The following PNPLA2 variants were observed in gnomAD, a reference collection of about 807,000 sequenced individuals.
PNPLA2 encodes the protein patatin-like phospholipase domain-containing protein 2.
Under a neutral mutation model 39.7 loss-of-function variants are expected in PNPLA2, and 28 were observed. The ratio of observed to expected loss-of-function variants is 0.70; its 90% confidence interval spans 0.52 to 0.97. The LOEUF (loss-of-function observed/expected upper bound fraction) is 0.97, where lower values mean the gene tolerates loss of function less well. Among genes scored for constraint, PNPLA2 ranks in the 50% least tolerant of loss-of-function variants. The pLI is 0.00. For missense variants in PNPLA2, 768 were observed against 698.2 expected (o/e 1.10, Z -1.13); for synonymous variants, 392 against 321.1 (o/e 1.22, Z -2.36).
chr11:821,949 G>A lies in PNPLA2; in HGVS notation c.421-9G>A. 1 of 1,613,918 alleles carries A rather than the reference G, an allele frequency of 6.2e-7. No individual in the cohort carries two copies. Among genetic ancestry groups the A allele is most frequent in the Non-Finnish European group, 8.5e-7 (1 of 1,179,952 alleles). On this transcript the variant is annotated splice_polypyrimidine_tract_variant and intron_variant, in intron 3 of 9. Transcript: ENST00000336615. Reference sequence around the variant, plus strand: ...GCTCATTCTCTCCCACTCTGTCCCTGCCCTGAAGGCCAATGTCTGCAGCGG... The same window carrying A: ...GCTCATTCTCTCCCACTCTGTCCCTACCCTGAAGGCCAATGTCTGCAGCGG...
Position 824,742 on chromosome 11 carries a change from C to CGACCCGGCTCCCGCCCCCGCG in PNPLA2, c.1401_1421dup (p.Pro469_Ala475dup). The CGACCCGGCTCCCGCCCCCGCG allele has an allele frequency of 6.3e-7, 1 of 1,575,670 alleles. No individual in the cohort carries two copies. On this transcript the variant is annotated inframe_insertion, in exon 10 of 10. Coordinates refer to ENST00000336615, the MANE Select transcript of PNPLA2 (RefSeq NM_020376.4). ...AAGCTCTGCGCATGCGCGCACCCGC[C>CGACCCGGCTCCCGCCCCCGCG]GACCCGGCTCCCGCCCCCGCGGACC... is the stretch of plus-strand genomic sequence containing the variant.
In PNPLA2 at chr11:824,377, C is replaced by G. The variant is rs768832340; in HGVS notation, c.1116C>G (p.Ser372Arg). ...DIRWMKEQTG[S>R]ICQYLVMRAK... ...GGTGGATGAAGGAGCAGACGGGCAG[C>G]ATCTGCCAGTACCTGGTGATGCGCG... Residue 372 changes from serine (S) to arginine (R), a missense_variant, in exon 9 of 10, where the codon AGC becomes AGG. Coordinates refer to ENST00000336615, the MANE Select transcript of PNPLA2 (RefSeq NM_020376.4). 7 of 1,551,398 alleles carry G rather than the reference C, an allele frequency of 4.5e-6. No homozygotes were observed. Among genetic ancestry groups the G allele is most frequent in the Non-Finnish European group, 6.1e-6 (7 of 1,147,858 alleles).
chr11:823,443 G>T, intron 5 of PNPLA2, 84 bp from the exon 6 acceptor site: 1 of 1,249,184 alleles, frequency 8.0e-7, no homozygotes. Context: ...GTGAAGGGAG[G>T]TGGCTGTTGG....
At position 824,297 on chromosome 11, in the gene PNPLA2, G is replaced by T; in HGVS notation, c.1053-17G>T. ...GTCTGGCCAAGTCCCTGAACGCGCC[G>T]CTCGCCCTGTCCCCAGCTTGCTGGA... On this transcript the variant is annotated splice_polypyrimidine_tract_variant and intron_variant, in intron 8 of 9. Transcript: ENST00000336615. 1 of 1,550,136 alleles carries T rather than the reference G, an allele frequency of 6.5e-7. No homozygotes were observed. Among genetic ancestry groups the T allele is most frequent in the Non-Finnish European group, 8.7e-7 (1 of 1,147,456 alleles).
intron 4 of PNPLA2, 179 bp from the exon 5 acceptor site, chr11:822,217 TC>T (rs1348714210): frequency 6.5e-6 from 5 of 763,764 alleles, no homozygotes; most frequent in Non-Finnish European, 6.8e-6. Context: ...GTCCCTGCCC[TC>T]CCCCGTCTAC....
chr11:823,429 G>A, intron 5 of PNPLA2, 98 bp from the exon 6 acceptor site: 1 of 1,077,736 alleles, frequency 9.3e-7, no homozygotes, highest in Non-Finnish European at 1.4e-6. Flanking sequence ...GGGAGCTGCG[G>A]GTAGTGAAGG....
Position 819,571 on chromosome 11 carries a change from T to A in PNPLA2, c.-145-3T>A. ...AAGCGCCGCCTCCGCGCCGCCCGCG[T>A]AGCTTCTTCGCCTCCGCCAGCGGGG... On this transcript the variant is annotated splice_polypyrimidine_tract_variant and splice_region_variant and intron_variant, in intron 1 of 9. Transcript: ENST00000336615. The A allele has an allele frequency of 7.8e-7, 1 of 1,287,206 alleles. No individual in the cohort carries two copies. The highest frequency in any genetic ancestry group is 9.9e-7 in the Non-Finnish European group (1 of 1,013,092). 79.7% of individuals were successfully genotyped at this position (1,287,206 alleles called of 1,614,324 possible).
In PNPLA2 at chr11:822,594, G is replaced by A. The variant is rs764373378; in HGVS notation, c.684G>A (p.Pro228=). The stretch of plus-strand genomic sequence containing the variant: ...ACCGCCTCTCCAAGGCCCTCTTCCC[G>A]CCGGAGCCCCTGGTGAGCTCTGCTC... ...NLYRLSKALF[P]PEPLVLREMC... is the part of the protein sequence containing the mutation. The change falls in exon 5 of 10, where the codon CCG becomes CCA. Residue 228 remains proline (P), a synonymous_variant. Coordinates refer to ENST00000336615, the MANE Select transcript of PNPLA2 (RefSeq NM_020376.4). The A allele has an allele frequency of 1.4e-5, 22 of 1,613,226 alleles. No individual in the cohort carries two copies. The highest frequency in any genetic ancestry group is 1.6e-5 in the Non-Finnish European group (19 of 1,179,808).
chr11:822,593 C>T lies in PNPLA2; in HGVS notation c.683C>T (p.Pro228Leu), dbSNP rs886048708. ...TACCGCCTCTCCAAGGCCCTCTTCCCGCCGGAGCCCCTGGTGAGCTCTGCT... is the reference window on the plus strand; with the variant it reads ...TACCGCCTCTCCAAGGCCCTCTTCCTGCCGGAGCCCCTGGTGAGCTCTGCT... ...NLYRLSKALFPPEPLVLREMC... is the reference protein window; with the variant it reads ...NLYRLSKALFLPEPLVLREMC... Residue 228 changes from proline to leucine, a missense_variant, in exon 5 of 10, where the codon CCG (proline) becomes CTG (leucine). Pro to Leu is a moderately conservative substitution (Grantham distance 98). Coordinates refer to ENST00000336615, the MANE Select transcript of PNPLA2 (RefSeq NM_020376.4). 1.3e-5 allele frequency: 21 copies of T among 1,613,384 alleles called. No homozygotes were observed. The highest frequency in any genetic ancestry group is 1.7e-5 in the Non-Finnish European group (20 of 1,179,832).
rs764633798 is a variant in PNPLA2, at chr11:824,148, T to TC, written c.1052+19dup. The TC allele has an allele frequency of 4.4e-5, 69 of 1,581,644 alleles. No individual in the cohort carries two copies. The highest frequency in any genetic ancestry group is 5.8e-5 in the Non-Finnish European group (67 of 1,165,036). ...ACCATCCGGTGTGAGGGCTGGGGGGTCGGGAGAGGGGCCCAGGGGACGGAC... is the reference window on the plus strand; with the variant it reads ...ACCATCCGGTGTGAGGGCTGGGGGGTCCGGGAGAGGGGCCCAGGGGACGGAC... On this transcript the variant is annotated intron_variant, in intron 8 of 9. Coordinates refer to ENST00000336615, the MANE Select transcript of PNPLA2 (RefSeq NM_020376.4).
Position 819,889 on chromosome 11 carries a change from C to T in PNPLA2, c.171C>T (p.Val57=). The change falls in exon 2 of 10, where the codon GTC becomes GTT. Residue 57 remains valine (V), a synonymous_variant. Transcript: ENST00000336615. ...GGGCGCTCACGGCCACGGCGCTGGT[C>T]ACCGGGGTCTGCCTGGGTGAGCGGG... ...SAGALTATAL[V]TGVCLGEAGA... 4 of 1,432,248 alleles carry T rather than the reference C, an allele frequency of 2.8e-6. No homozygotes were observed. Among genetic ancestry groups the T allele is most frequent in the Non-Finnish European group, 3.7e-6 (4 of 1,093,088 alleles). 88.7% of individuals were successfully genotyped at this position (1,432,248 alleles called of 1,614,324 possible).
chr11:822,347 G>T (rs1043035820), intron 4 of PNPLA2, 50 bp from the exon 5 acceptor site: 1 of 1,538,376 alleles, frequency 6.5e-7, no homozygotes, highest in African/African-American at 1.4e-5. Flanking sequence ...TGGGTGGCCA[G>T]TGCAGCCACA....
rs778767315 is a variant in PNPLA2 at position 824,899 on chromosome 11, C to T, written c.*37C>T. The T allele has an allele frequency of 1.6e-5, 23 of 1,463,692 alleles. 1 individual carries two copies. The South Asian group carries it at 1.8e-4, about 12-fold the overall frequency. The allele number at this position is 1,463,692 out of a possible 1,614,324, so 90.7% of individuals were successfully genotyped here. ...TCTCGAGGAACCCTGCCTGAGACGC[C>T]TCCATTACCACTGCGCAGTGAGATG... On this transcript the variant is annotated 3_prime_UTR_variant, in exon 10 of 10. Coordinates refer to ENST00000336615, the MANE Select transcript of PNPLA2 (RefSeq NM_020376.4).
At chr11:819,503 C>A (rs12785771) in intron 1 of PNPLA2, 71 bp from the exon 2 acceptor site, 1 of 1,248,882 alleles carries the variant, frequency 8.0e-7, no homozygotes, top group Non-Finnish European at 1.0e-6. Flanking sequence ...CCCGATTGGT[C>A]TTCGTGTGCC....
Position 824,923 on chromosome 11 carries a change from TGAG to T in PNPLA2, c.*63_*65del. On this transcript the variant is annotated 3_prime_UTR_variant, in exon 10 of 10. Coordinates refer to ENST00000336615, the MANE Select transcript of PNPLA2 (RefSeq NM_020376.4). ...CCTCCATTACCACTGCGCAGTGAGA[TGAG>T]GGGACTCACAGTTGCCAAGAGGGGT... is the stretch of plus-strand genomic sequence containing the variant. 7.5e-7 allele frequency: 1 copy of T among 1,335,318 alleles called. No homozygotes were observed. The highest frequency in any genetic ancestry group is 1.8e-4 in the Middle Eastern group (1 of 5,628). The allele number at this position is 1,335,318 out of a possible 1,614,324, so 82.7% of individuals were successfully genotyped here. A position where few individuals can be genotyped will look rare whatever the true frequency, so the allele number is the denominator to read the frequency against.
Position 824,966 on chromosome 11 carries a change from C to G in PNPLA2, c.*104C>G, listed in dbSNP as rs777286909. ...CCAAGAGGGGTCTTTGCCGTGGGCC[C>G]CCTCGCCAGCCACTCACCAGCTGCA... On this transcript the variant is annotated 3_prime_UTR_variant, in exon 10 of 10. Transcript: ENST00000336615. 3 of 924,602 alleles carry G rather than the reference C, an allele frequency of 3.2e-6. No homozygotes were observed. In the South Asian group the frequency reaches 4.2e-5, roughly 13 times the overall value. The allele number at this position is 924,602 out of a possible 1,614,324, so 57.3% of individuals were successfully genotyped here.
At chr11:823,619 G>A in intron 6 of PNPLA2, 32 bp downstream of exon 6, 1 of 1,604,274 alleles carries the variant, frequency 6.2e-7, no homozygotes, top group South Asian at 1.1e-5. Flanking sequence ...AGGGCGGGGT[G>A]GGCTCGGCTC....
rs765218411 is a variant in PNPLA2 at position 821,707 on chromosome 11, C to T, written c.267C>T (p.Asn89=). The part of the protein sequence containing the change: ...RFLGPLHPSF[N]LVKIIRSFLL... ...TGGGCCCCCTGCACCCCTCCTTCAA[C>T]CTGGTAAAGATCATCCGCAGTTTCC... The change falls in exon 3 of 10, where the codon AAC becomes AAT. Residue 89 remains asparagine (N), a synonymous_variant. Coordinates refer to ENST00000336615, the MANE Select transcript of PNPLA2 (RefSeq NM_020376.4). 2.5e-6 allele frequency: 4 copies of T among 1,614,040 alleles called. No individual in the cohort carries two copies. The highest frequency in any genetic ancestry group is 3.4e-6 in the Non-Finnish European group (4 of 1,180,036).
intron 5 of PNPLA2, among the ~76,000 whole-genome samples, chr11:823,005 A>T (rs115010101): frequency 6.8e-6 from 1 of 146,292 alleles, no homozygotes; most frequent in African/African-American, 2.6e-5. Flanking sequence ...TTGTATTTTT[A>T]GTAAAGAAAT....
Sources: gnomAD v4.1 joint callset for allele counts (sites outside exome capture counted in the v4.1 genomes callset) on GRCh38, gnomAD v4.1.1 for gene constraint, MANE v1.5 for transcripts, NCBI Gene and HGNC (gene_info 2026-07-23, HGNC 2026-07-21) for gene names.